Variants in NDST3 observed in about 807,000 individuals in gnomAD.
NDST3 encodes N-deacetylase and N-sulfotransferase 3.
In NDST3, 58 loss-of-function variants were observed where a neutral mutation model predicts 96.1. The observed-to-expected ratio is 0.60, with a 90% confidence interval of 0.49 to 0.75. The LOEUF is 0.75. Ranked by LOEUF, NDST3 falls within the 30% of genes least tolerant of loss-of-function variation. NDST3 has a pLI of 0.00. For synonymous variants in NDST3, 333 were observed against 359.7 expected, an observed-to-expected ratio of 0.93 and a Z score of 0.84; for missense variants, 788 against 1,034.2, an observed-to-expected ratio of 0.76 and a Z score of 3.27.
intron 6 of NDST3, among the ~76,000 whole-genome samples, chr4:118,148,699 A>G (rs572510882): frequency 2.1e-4 from 32 of 152,310 alleles, no homozygotes; most frequent in African/African-American, 7.0e-4. Flanking sequence ...GAAAAAAAAT[A>G]CTGTAATTTT....
intron 6 of NDST3, among the ~76,000 whole-genome samples, chr4:118,175,625 G>C (rs1736229727): frequency 6.6e-6 from 1 of 152,064 alleles, no homozygotes; most frequent in Admixed American, 6.6e-5. Context: ...CTCGCACACT[G>C]GGAGGCACAC....
chr4:118,143,573 C>T lies in NDST3; in HGVS notation c.1428C>T (p.Thr476=), dbSNP rs1733722092. The T allele has an allele frequency of 1.2e-6, 2 of 1,608,242 alleles. No homozygotes were observed. Among genetic ancestry groups the T allele is most frequent in the Non-Finnish European group, 8.5e-7 (1 of 1,178,194 alleles). Residue 476 remains threonine, a synonymous_variant, in exon 6 of 14, where the codon ACC becomes ACT. Coordinates refer to ENST00000296499, the MANE Select transcript of NDST3 (RefSeq NM_004784.3). ...HKNIMVLPRQ[T]CGLFTHTIFY... ...TCCTTCAGGTTCTCCCAAGACAAAC[C>T]TGTGGGCTTTTCACTCACACCATTT...
chr4:118,126,861 C>T (rs1389996268), intron 4 of NDST3, among the ~76,000 whole-genome samples: 1 of 151,904 alleles, frequency 6.6e-6, no homozygotes, highest in Non-Finnish European at 1.5e-5. Flanking sequence ...TTTGTTGTTG[C>T]CTGTCTTTTT....
At chr4:118,137,775 G>C (rs1733234973) in intron 4 of NDST3, among the ~76,000 whole-genome samples, 1 of 152,102 alleles carries the variant, frequency 6.6e-6, no homozygotes, top group Non-Finnish European at 1.5e-5. Context: ...CTACGACAAG[G>C]ATGTGCAAAA....
chr4:118,242,798 G>T (rs1741088861), intron 12 of NDST3, among the ~76,000 whole-genome samples: 1 of 151,694 alleles, frequency 6.6e-6, no homozygotes, highest in Non-Finnish European at 1.5e-5. Context: ...ACTCTGTAAG[G>T]TCCATGACCA....
chr4:118,178,615 C>T (rs1736414210), intron 6 of NDST3, among the ~76,000 whole-genome samples: 7 of 151,990 alleles, frequency 4.6e-5, no homozygotes, highest in Admixed American at 4.6e-4. Context: ...CACCTTGTGG[C>T]CATTGTGAAT....
intron 6 of NDST3, among the ~76,000 whole-genome samples, chr4:118,215,457 A>G (rs931096416): frequency 6.6e-6 from 1 of 152,096 alleles, no homozygotes; most frequent in African/African-American, 2.4e-5. Context: ...ACAAAACCCA[A>G]GTCACAAATG....
At chr4:118,250,416 T>C (rs1741615314) in intron 12 of NDST3, among the ~76,000 whole-genome samples, 1 of 152,240 alleles carries the variant, frequency 6.6e-6, no homozygotes, top group Non-Finnish European at 1.5e-5. Context: ...TAATGATGAA[T>C]GATGTTCAGC....
intron 6 of NDST3, among the ~76,000 whole-genome samples, chr4:118,160,560 T>C (rs1054898562): frequency 6.6e-6 from 1 of 152,174 alleles, no homozygotes; most frequent in African/African-American, 2.4e-5. Flanking sequence ...AATAAGCATA[T>C]TAAAAAAGCT....
At chr4:118,072,763 T>C (rs1194693750) in intron 2 of NDST3, among the ~76,000 whole-genome samples, 1 of 152,076 alleles carries the variant, frequency 6.6e-6, no homozygotes, top group Non-Finnish European at 1.5e-5. Flanking sequence ...CCAGAGAATA[T>C]GTTGAATAGG....
chr4:118,082,174 C>T (rs540847413), intron 2 of NDST3, among the ~76,000 whole-genome samples: 6 of 152,230 alleles, frequency 3.9e-5, no homozygotes, highest in South Asian at 2.1e-4. Context: ...TTTACATCCT[C>T]GTGCCAATGC....
chr4:118,090,288 T>C (rs2389521), intron 2 of NDST3, among the ~76,000 whole-genome samples: 114,317 of 151,868 alleles, frequency 0.75, 45,684 homozygotes, highest in South Asian at 0.92. Flanking sequence ...AAACAGCAAG[T>C]TAAAGTTTCA....
intron 2 of NDST3, among the ~76,000 whole-genome samples, chr4:118,095,696 C>T (rs1238179497): frequency 6.6e-6 from 1 of 151,526 alleles, no homozygotes; most frequent in Admixed American, 6.6e-5. Flanking sequence ...TTTTCATCAC[C>T]CCAAAAGGAA....
At chr4:118,239,381 T>C (rs959961925) in intron 10 of NDST3, among the ~76,000 whole-genome samples, 11 of 152,028 alleles carry the variant, frequency 7.2e-5, no homozygotes, top group Admixed American at 2.0e-4. Context: ...ATCTGAAAAA[T>C]AGCGAGTGGA....
intron 2 of NDST3, among the ~76,000 whole-genome samples, chr4:118,083,530 A>G (rs1728182074): frequency 6.6e-6 from 1 of 152,158 alleles, no homozygotes; most frequent in Non-Finnish European, 1.5e-5. Context: ...GGTACTTAAA[A>G]TACCCCCTTC....
At chr4:118,176,886 A>G (rs1303546583) in intron 6 of NDST3, among the ~76,000 whole-genome samples, 3 of 152,068 alleles carry the variant, frequency 2.0e-5, no homozygotes, top group Admixed American at 2.0e-4. Context: ...AGTAAAAAAA[A>G]CTATGTGAAC....
At chr4:118,245,847 T>TA (rs1324005342) in intron 12 of NDST3, among the ~76,000 whole-genome samples, 2 of 151,922 alleles carry the variant, frequency 1.3e-5, no homozygotes, top group Non-Finnish European at 2.9e-5. Context: ...TTTTTCAGAT[T>TA]AAAAAAAACT....
chr4:118,227,663 G>GTGCGGAC (rs1739986079), intron 8 of NDST3, among the ~76,000 whole-genome samples: 1 of 140,884 alleles, frequency 7.1e-6, no homozygotes, highest in African/African-American at 2.6e-5. Flanking sequence ...CCAGGCTGGA[G>GTGCGGAC]TGCAGTGGCA....
chr4:118,080,135 C>T (rs1272664704), intron 2 of NDST3, among the ~76,000 whole-genome samples: 3 of 151,960 alleles, frequency 2.0e-5, no homozygotes, highest in African/African-American at 4.8e-5. Context: ...ATGTGCCTTA[C>T]GGATTAAATT....
Sources: allele counts gnomAD v4.1 joint callset (sites outside exome capture counted in the v4.1 genomes callset), GRCh38; gene constraint gnomAD v4.1.1; transcripts MANE v1.5; gene names NCBI Gene and HGNC (gene_info 2026-07-23, HGNC 2026-07-21).